Variants in PRKCE observed in about 807,000 individuals in gnomAD.
PRKCE encodes the protein protein kinase C epsilon type.
PRKCE carries 16 observed loss-of-function variants against 85.4 expected under a neutral mutation model. That is an observed-to-expected ratio of 0.19 (90% CI 0.13 to 0.28). The LOEUF is 0.28. Ranked by LOEUF, PRKCE falls within the 10% of genes least tolerant of loss-of-function variation. PRKCE has a pLI of 1.00. For synonymous variants in PRKCE, 388 were observed against 371.5 expected, an observed-to-expected ratio of 1.04 and a Z score of -0.51; for missense variants, 573 against 975.2, an observed-to-expected ratio of 0.59 and a Z score of 5.49.
chr2:45,940,250 G>T (rs1038882191), intron 2 of PRKCE, among the ~76,000 whole-genome samples: 8 of 152,154 alleles, frequency 5.3e-5, no homozygotes, highest in African/African-American at 1.9e-4. Context: ...GCCAGATTAG[G>T]GGTAGCTGTG....
intron 14 of PRKCE, among the ~76,000 whole-genome samples, chr2:46,165,921 A>G (rs1678294357): frequency 6.6e-6 from 1 of 152,172 alleles, no homozygotes; most frequent in Admixed American, 6.5e-5. Flanking sequence ...CTCTTTGTGT[A>G]CATGTTCTCT....
chr2:45,659,583 C>T (rs1326796463), intron 1 of PRKCE, among the ~76,000 whole-genome samples: 1 of 152,320 alleles, frequency 6.6e-6, no homozygotes, highest in Middle Eastern at 3.4e-3. Context: ...CTCTCTGACC[C>T]TATCACTTGC....
intron 1 of PRKCE, chr2:45,675,522 T>C (rs921407690): frequency 2.0e-5 from 3 of 152,254 alleles, no homozygotes; most frequent in African/African-American, 7.2e-5. Flanking sequence ...TGAATTATTC[T>C]CCTGGGTATT....
intron 14 of PRKCE, among the ~76,000 whole-genome samples, chr2:46,168,277 A>G (rs1035119292): frequency 2.0e-5 from 3 of 152,126 alleles, no homozygotes; most frequent in Admixed American, 6.6e-5. Context: ...CTTGAACTTA[A>G]TCTCCTCCCA....
At chr2:45,801,963 AC>A (rs1258761724) in intron 1 of PRKCE, among the ~76,000 whole-genome samples, 4 of 152,056 alleles carry the variant, frequency 2.6e-5, no homozygotes, top group Non-Finnish European at 4.4e-5. Flanking sequence ...TGAAAGCAAT[AC>A]TAGGCCAGGC....
intron 1 of PRKCE, among the ~76,000 whole-genome samples, chr2:45,687,829 G>A (rs911283284): frequency 1.4e-4 from 22 of 152,336 alleles, no homozygotes; most frequent in African/African-American, 4.1e-4. Context: ...AGGTAGTTGC[G>A]CTGTGCTTTG....
intron 2 of PRKCE, among the ~76,000 whole-genome samples, chr2:45,919,691 A>G (rs1321606707): frequency 6.6e-6 from 1 of 152,154 alleles, no homozygotes; most frequent in East Asian, 1.9e-4. Flanking sequence ...ATTCCCCCCA[A>G]CCTTTTCTTG....
Position 45,905,472 on chromosome 2 carries a change from A to C in PRKCE, c.412+62409A>C, listed in dbSNP as rs1156451281. On this transcript the variant is annotated intron_variant, in intron 2 of 14. Coordinates refer to ENST00000306156, the MANE Select transcript of PRKCE (RefSeq NM_005400.3). This position sits in a 1 kb window ranked among gnomAD's most constrained non-coding sequence, Gnocchi z 4.4. ...GCCAAATTGGCTGTTGATGGGCCAT[A>C]GTAGACTATGGCTTTAATAATCAGG... is the stretch of plus-strand genomic sequence containing the variant. 2.0e-5 allele frequency among the ~76,000 whole-genome samples: 3 copies of C among 152,234 alleles called. No homozygotes were observed. Among genetic ancestry groups the C allele is most frequent in the Non-Finnish European group, 4.4e-5 (3 of 68,040 alleles).
chr2:46,047,814 A>G lies in PRKCE; in HGVS notation c.1437+37297A>G, dbSNP rs530867504. The stretch of plus-strand genomic sequence containing the variant: ...TAGGGAGGATATCTTGGCTTAAAAT[A>G]AATACCATCAAAGCATTTCCACTGC... On this transcript the variant is annotated intron_variant, in intron 10 of 14. Transcript: ENST00000306156. 2.0e-5 allele frequency among the ~76,000 whole-genome samples: 3 copies of G among 152,340 alleles called. No individual in the cohort carries two copies. The East Asian group carries it at 5.8e-4, about 29-fold the overall frequency.
chr2:46,011,091 G>A (rs1229534162), intron 10 of PRKCE: 4 of 412,682 alleles, frequency 9.7e-6, no homozygotes, highest in South Asian at 6.0e-5. Context: ...AGTCTGACTC[G>A]AGTATTATTA....
At chr2:45,883,879 G>A (rs2105827095) in intron 2 of PRKCE, among the ~76,000 whole-genome samples, 2 of 152,268 alleles carry the variant, frequency 1.3e-5, no homozygotes, top group East Asian at 3.9e-4. Flanking sequence ...GCTTTGGGGA[G>A]AAGTCCTGGG....
At chr2:46,122,914 C>A (rs1302199506) in intron 11 of PRKCE, among the ~76,000 whole-genome samples, 1 of 136,444 alleles carries the variant, frequency 7.3e-6, no homozygotes. Context: ...TAGCAGTACA[C>A]CAACCAGCAC....
intron 10 of PRKCE, among the ~76,000 whole-genome samples, chr2:46,037,390 G>T (rs924534387): frequency 1.3e-5 from 2 of 152,188 alleles, no homozygotes; most frequent in African/African-American, 4.8e-5. Context: ...TCAGTCATTA[G>T]CCCTGTGTGA....
chr2:45,671,307 T>C (rs1676147212), intron 1 of PRKCE, among the ~76,000 whole-genome samples: 1 of 152,212 alleles, frequency 6.6e-6, no homozygotes, highest in Non-Finnish European at 1.5e-5. Context: ...AAATGATGAA[T>C]TGGGGGCCAA....
In PRKCE at chr2:45,652,155, A is replaced by G; in HGVS notation, c.55A>G (p.Lys19Glu). The G allele has an allele frequency of 6.3e-7, 1 of 1,599,982 alleles. No homozygotes were observed. Among genetic ancestry groups the G allele is most frequent in the Non-Finnish European group, 8.5e-7 (1 of 1,172,410 alleles). ...CAAAATCTGCGAGGCCGTGAGCTTG[A>G]AGCCCACAGCCTGGTCGCTGCGCCA... ...KIKICEAVSL[K>E]PTAWSLRHAV... The change falls in exon 1 of 15, where the codon AAG becomes GAG. Residue 19 changes from lysine (K) to glutamate (E), a missense_variant. This residue lies in a region of PRKCE where 100 missense variants were observed against 177.1 expected (regional missense o/e 0.56). Transcript: ENST00000306156. The surrounding 1 kb of genome is among the most constrained non-coding windows in gnomAD (Gnocchi z 7.7).
chr2:45,976,425 C>T lies in PRKCE; in HGVS notation c.413-4C>T. 8.8e-6 allele frequency: 14 copies of T among 1,599,258 alleles called. No homozygotes were observed. Among genetic ancestry groups the T allele is most frequent in the Non-Finnish European group, 1.2e-5 (14 of 1,179,598 alleles). ...TTTTCTTCCCTGCTCTTGTCCTTCC[C>T]CAGCCCCTAAAGACAATGAAGAGCG... On this transcript the variant is annotated splice_polypyrimidine_tract_variant and splice_region_variant and intron_variant, in intron 2 of 14. Transcript: ENST00000306156.
chr2:45,692,942 G>C (rs1019544599), intron 1 of PRKCE, among the ~76,000 whole-genome samples: 1 of 152,184 alleles, frequency 6.6e-6, no homozygotes. Flanking sequence ...TGCACTTTTG[G>C]TCTGGCCTGG....
intron 2 of PRKCE, among the ~76,000 whole-genome samples, chr2:45,960,716 C>T (rs1701316334): frequency 6.6e-6 from 1 of 152,136 alleles, no homozygotes; most frequent in South Asian, 2.1e-4. Context: ...GTAAATGGTG[C>T]CTATTATTTC....
At chr2:45,850,888 T>G (rs1436296082) in intron 2 of PRKCE, among the ~76,000 whole-genome samples, 2 of 152,214 alleles carry the variant, frequency 1.3e-5, no homozygotes, top group Non-Finnish European at 2.9e-5. Flanking sequence ...TTTGCTTATC[T>G]AATATATACG....
Sources: allele counts gnomAD v4.1 joint callset (sites outside exome capture counted in the v4.1 genomes callset), GRCh38; gene constraint gnomAD v4.1.1; regional missense constraint gnomAD v4.1.1; non-coding constraint Gnocchi (gnomAD v3.1); transcripts MANE v1.5; gene names NCBI Gene and HGNC (gene_info 2026-07-23, HGNC 2026-07-21).